UNC50: variants seen among roughly 807,000 people sequenced by gnomAD.
UNC50 encodes protein unc-50 homolog.
Under a neutral mutation model 31.5 loss-of-function variants are expected in UNC50, and 24 were observed. The observed-to-expected ratio is 0.76, with a 90% CI of 0.55 to 1.07. The LOEUF is 1.07. UNC50 is among the 50% of genes least tolerant of loss of function. The pLI is 0.00. For missense variants in UNC50, 245 were observed against 304.2 expected, an observed-to-expected ratio of 0.81 and a Z score of 1.45; for synonymous variants, 118 against 114.7, an observed-to-expected ratio of 1.03 and a Z score of -0.18.
At chr2:98,611,731 C>G (rs1371586272) in intron 3 of UNC50, among the ~76,000 whole-genome samples, 1 of 152,102 alleles carries the variant, frequency 6.6e-6, no homozygotes, top group Non-Finnish European at 1.5e-5. Flanking sequence ...TTAGCCAGTT[C>G]TGCTTAAGTT....
At chr2:98,609,710 T>TTTCTTCAGTAGCCAAAA (rs1700789213) in intron 1 of UNC50, 46 bp from the exon 2 acceptor site, 1 of 1,608,850 alleles carries the variant, frequency 6.2e-7, no homozygotes, top group African/African-American at 1.3e-5. Flanking sequence ...GGTAGCCAAA[T>TTTCTTCAGTAGCCAAAA]GTTTCTTCAG....
chr2:98,610,127 A>T (rs1451662005), intron 2 of UNC50, 88 bp downstream of exon 2: 1 of 1,330,672 alleles, frequency 7.5e-7, no homozygotes, highest in African/African-American at 1.5e-5. Flanking sequence ...CAGAATCTGG[A>T]AATATTGGAA....
At position 98,610,183 on chromosome 2, in the gene UNC50, G is replaced by A; in HGVS notation, c.280+144G>A. The A allele has an allele frequency of 3.3e-6, 3 of 897,738 alleles. No homozygotes were observed. In the East Asian group the frequency reaches 7.9e-5, roughly 24 times the overall value. 55.6% of individuals were successfully genotyped at this position (897,738 alleles called of 1,614,324 possible). On this transcript the variant is annotated intron_variant, in intron 2 of 5. Transcript: ENST00000357765. ...AAGCCTCAAAAAATCTCACAGGAAAGAAAGTTGTAGTCTTGGTTCTACAGG... is the reference window on the plus strand; with the variant it reads ...AAGCCTCAAAAAATCTCACAGGAAAAAAAGTTGTAGTCTTGGTTCTACAGG...
intron 3 of UNC50, 47 bp downstream of exon 3, chr2:98,610,942 AT>A: frequency 6.3e-7 from 1 of 1,579,486 alleles, no homozygotes; most frequent in Non-Finnish European, 8.6e-7. Context: ...TAGCATCTCC[AT>A]TTGTTTGCTT....
intron 2 of UNC50, among the ~76,000 whole-genome samples, chr2:98,610,563 G>A (rs1269053546): frequency 6.6e-6 from 1 of 152,180 alleles, no homozygotes; most frequent in Admixed American, 6.5e-5. Context: ...TGAGGCCACC[G>A]TGGTGAATCA....
intron 3 of UNC50, among the ~76,000 whole-genome samples, chr2:98,611,659 G>A (rs1700831324): frequency 6.6e-6 from 1 of 152,030 alleles, no homozygotes; most frequent in Non-Finnish European, 1.5e-5. Context: ...GTGATTTTGG[G>A]GTCCCGAGAT....
In UNC50 at chr2:98,616,246, A is replaced by G; in HGVS notation, c.441A>G (p.Arg147=). The G allele has an allele frequency of 6.2e-7, 1 of 1,614,144 alleles. No individual in the cohort carries two copies. Among genetic ancestry groups the G allele is most frequent in the Non-Finnish European group, 8.5e-7 (1 of 1,179,994 alleles). The change falls in exon 4 of 6, where the codon AGA becomes AGG. Residue 147 remains arginine, a synonymous_variant. Coordinates refer to ENST00000357765, the MANE Select transcript of UNC50 (RefSeq NM_014044.7). ...AGTATTTAGTGAAACGACAGAGCAG[A>G]GACTATGATGTGGAATGGGGCTATG... ...SNKYLVKRQS[R]DYDVEWGYAF...
intron 1 of UNC50, 138 bp from the exon 2 acceptor site, chr2:98,609,618 C>T: frequency 7.2e-7 from 1 of 1,390,492 alleles, no homozygotes; most frequent in Non-Finnish European, 9.8e-7. Context: ...ACTGCATTTG[C>T]TTTTGACTCC....
chr2:98,612,568 C>G (rs1700853305), intron 3 of UNC50, among the ~76,000 whole-genome samples: 1 of 152,170 alleles, frequency 6.6e-6, no homozygotes, highest in Admixed American at 6.5e-5. Context: ...CACCACCACA[C>G]TTGGCTAATT....
In UNC50 at chr2:98,618,126, T is replaced by TA. The variant is rs140200187; in HGVS notation, c.644-42_644-41insA. 9.5e-3 allele frequency: 13,839 copies of TA among 1,461,816 alleles called. 206 individuals carry two copies. Among genetic ancestry groups the TA allele is most frequent in the Admixed American group, 0.073 (2,698 of 36,944 alleles). The allele number at this position is 1,461,816 out of a possible 1,614,324, so 90.6% of individuals were successfully genotyped here. A position where few individuals can be genotyped will look rare whatever the true frequency, so the allele number is the denominator to read the frequency against. ...AATGTTCATTTATTAGTCATTTATT[T>TA]TTTTTTTTTTTTAAATCAGTTTGGA... On this transcript the variant is annotated intron_variant, in intron 5 of 5. Coordinates refer to ENST00000357765, the MANE Select transcript of UNC50 (RefSeq NM_014044.7).
At chr2:98,612,106 A>G (rs1700843505) in intron 3 of UNC50, among the ~76,000 whole-genome samples, 1 of 152,058 alleles carries the variant, frequency 6.6e-6, no homozygotes, top group African/African-American at 2.4e-5. Context: ...TGTGGTTGGC[A>G]TGCTGGATGA....
intron 3 of UNC50, among the ~76,000 whole-genome samples, chr2:98,613,579 CACTG>C (rs376083191): frequency 1.1e-3 from 170 of 152,260 alleles, no homozygotes; most frequent in African/African-American, 3.8e-3. Flanking sequence ...TTGTGAGACT[CACTG>C]ACTATCACGA....
Position 98,616,452 on chromosome 2 carries a change from T to A in UNC50, c.562T>A (p.Phe188Ile), listed in dbSNP as rs753808865. ...FINHVILTDT[F>I]IGYLVGNTLW... ...GGCAGATGTTATCCTGACAGACACATTTATTGGATATTTAGTTGGAAATAC... is the reference window on the plus strand; with the variant it reads ...GGCAGATGTTATCCTGACAGACACAATTATTGGATATTTAGTTGGAAATAC... The change falls in exon 5 of 6, where the codon TTT (phenylalanine) becomes ATT (isoleucine). Residue 188 changes from phenylalanine (F) to isoleucine (I), a missense_variant. Physicochemically the swap from Phe to Ile is conservative, Grantham distance 21 (BLOSUM62 0). Transcript: ENST00000357765. 1 of 1,614,102 alleles carries A rather than the reference T, an allele frequency of 6.2e-7. No homozygotes were observed. The highest frequency in any genetic ancestry group is 1.3e-5 in the African/African-American group (1 of 75,046).
chr2:98,614,280 G>C (rs1222441885), intron 3 of UNC50, among the ~76,000 whole-genome samples: 1 of 152,184 alleles, frequency 6.6e-6, no homozygotes, highest in African/African-American at 2.4e-5. Context: ...GAATAGAGAG[G>C]AGAGATGGAT....
At chr2:98,616,694 G>A (rs779077353) in intron 5 of UNC50, among the ~76,000 whole-genome samples, 161 bp downstream of exon 5, 28 of 151,988 alleles carry the variant, frequency 1.8e-4, no homozygotes, top group Non-Finnish European at 3.4e-4. Flanking sequence ...ACACAGGTTT[G>A]TTTCTGTTTT....
rs745388408 is a variant in UNC50 at position 98,609,987 on chromosome 2, G to A, written c.228G>A (p.Gln76=). ...ATTATCGAAAACAGACGAAGGACCA[G>A]TGGGCCAGAGATGACCCTGCTTTCT... The part of the protein sequence containing the change: ...NFHYRKQTKD[Q]WARDDPAFLV... Residue 76 remains glutamine (Q), a synonymous_variant, in exon 2 of 6, where the codon CAG becomes CAA. Transcript: ENST00000357765. 1.2e-6 allele frequency: 2 copies of A among 1,614,246 alleles called. No homozygotes were observed. Among genetic ancestry groups the A allele is most frequent in the East Asian group, 2.2e-5 (1 of 44,896 alleles).
In UNC50 at chr2:98,618,442, T is replaced by TAACA. The variant is rs1216174781; in HGVS notation, c.*139_*142dup. On this transcript the variant is annotated 3_prime_UTR_variant, in exon 6 of 6. Transcript: ENST00000357765. ...TTTGCAAATTTGAAGAAATATATAT[T>TAACA]AACACTGTGGTCAGGTACATTCCTT... is the stretch of plus-strand genomic sequence containing the variant. The TAACA allele has an allele frequency of 3.8e-6, 3 of 787,550 alleles. No individual in the cohort carries two copies. Among genetic ancestry groups the TAACA allele is most frequent in the Admixed American group, 3.8e-5 (1 of 26,416 alleles). 48.8% of individuals were successfully genotyped at this position (787,550 alleles called of 1,614,324 possible). A position where few individuals can be genotyped will look rare whatever the true frequency, so the allele number is the denominator to read the frequency against.
chr2:98,615,160 C>T (rs970769271), intron 3 of UNC50, among the ~76,000 whole-genome samples: 3 of 152,324 alleles, frequency 2.0e-5, no homozygotes, highest in South Asian at 2.1e-4. Flanking sequence ...ATTTCATCCT[C>T]CTTTTAATAG....
chr2:98,615,794 G>C (rs777842479), intron 3 of UNC50, among the ~76,000 whole-genome samples: 1 of 152,200 alleles, frequency 6.6e-6, no homozygotes, highest in Admixed American at 6.5e-5. Flanking sequence ...CACAGGCTTC[G>C]TAAGACATGG....
Sources: allele counts gnomAD v4.1 joint callset (sites outside exome capture counted in the v4.1 genomes callset), GRCh38; gene constraint gnomAD v4.1.1; transcripts MANE v1.5; gene names NCBI Gene and HGNC (gene_info 2026-07-23, HGNC 2026-07-21).